The following PAFAH1B2 variants were observed in gnomAD, a reference collection of about 807,000 sequenced individuals.
The protein encoded by PAFAH1B2 is platelet activating factor acetylhydrolase 1b catalytic subunit 2, also known as platelet-activating factor acetylhydrolase IB subunit alpha2.
In PAFAH1B2, 8 loss-of-function variants were observed where a neutral mutation model predicts 28.0. The ratio of observed to expected loss-of-function variants is 0.29; its 90% CI spans 0.17 to 0.52. The LOEUF is 0.52. PAFAH1B2 is among the 20% of genes least tolerant of loss of function. The probability of loss-of-function intolerance (pLI) is 0.97; values close to 1 mark genes in which losing one functional copy is unlikely to be tolerated. For missense variants in PAFAH1B2, 190 were observed against 282.6 expected (o/e 0.67, Z 2.35); for synonymous variants, 104 against 103.2 (o/e 1.01, Z -0.05).
intron 1 of PAFAH1B2, among the ~76,000 whole-genome samples, chr11:117,144,672 T>TC (rs1421923919): frequency 1.3e-5 from 2 of 152,110 alleles, no homozygotes; most frequent in African/African-American, 4.8e-5. Context: ...TACCGAAAGC[T>TC]GGCGTTTCTC....
chr11:117,170,212 C>G lies in PAFAH1B2; in HGVS notation c.*2513C>G, dbSNP rs1379907064. On this transcript the variant is annotated 3_prime_UTR_variant, in exon 6 of 6. Transcript: ENST00000527958. ...TTAGTCTTTGTACTTTTTAAAAAAT[C>G]TATAAATTTAATGCACTGTCCAAGT... 3.8e-6 allele frequency: 4 copies of G among 1,058,314 alleles called. No individual in the cohort carries two copies. The highest frequency in any genetic ancestry group is 4.2e-4 in the Middle Eastern group (1 of 2,396). The allele number at this position is 1,058,314 out of a possible 1,614,324, so 65.6% of individuals were successfully genotyped here.
At chr11:117,172,382 ATATATATATATATATATATATATTTTTTT>A (rs1956681561), downstream of PAFAH1B2, among the ~76,000 whole-genome samples, 6 of 2,776 alleles carry the variant, frequency 2.2e-3, no homozygotes, top group South Asian at 0.045. Context: ...ATATATATAT[ATATATATATATATATATATATATTTTTTT>A]TTTTTTTTTT....
intron 1 of PAFAH1B2, among the ~76,000 whole-genome samples, chr11:117,146,739 T>G (rs12419436): frequency 0.054 from 8,094 of 150,972 alleles, 253 homozygotes; most frequent in Middle Eastern, 0.1. Context: ...TGTGACTCAT[T>G]CCTGTAATTC....
At position 117,161,182 on chromosome 11, in the gene PAFAH1B2, AT is replaced by A; in HGVS notation, c.213del (p.Phe71LeufsTer15). 2 of 1,596,672 alleles carry A rather than the reference AT, an allele frequency of 1.3e-6. No individual in the cohort carries two copies. Among genetic ancestry groups the A allele is most frequent in the Non-Finnish European group, 1.7e-6 (2 of 1,176,252 alleles). ...CTTTTTTCCCCACTTCATGCACTGA[AT>A]TTTGGAATTGGGGGAGATACAACAA... ...RELFSPLHAL[N>X]FGIGGDTTRH... is the part of the protein sequence containing the mutation. On this transcript the variant is annotated frameshift_variant, in exon 4 of 6. Transcript: ENST00000527958. LOFTEE classifies it high-confidence loss of function.
chr11:117,174,028 C>T (rs1445259100), downstream of PAFAH1B2, among the ~76,000 whole-genome samples: 1 of 151,770 alleles, frequency 6.6e-6, no homozygotes, highest in Non-Finnish European at 1.5e-5. Context: ...ATACTAAAAT[C>T]TGTTTTGATT....
At chr11:117,159,017 C>T (rs995110739) in intron 2 of PAFAH1B2, among the ~76,000 whole-genome samples, 1 of 152,192 alleles carries the variant, frequency 6.6e-6, no homozygotes, top group East Asian at 1.9e-4. Context: ...TGTTTGCATT[C>T]TACTTCACAA....
Position 117,149,174 on chromosome 11 carries a change from C to T in PAFAH1B2, c.-7-3267C>T, listed in dbSNP as rs944184633. On this transcript the variant is annotated intron_variant, in intron 1 of 5. Coordinates refer to ENST00000527958, the MANE Select transcript of PAFAH1B2 (RefSeq NM_002572.4). ...TTAGGATTACAGGCGTGAGCCACTG[C>T]GCCCAGCCCAAGCAATCCTCCTGAC... Among the ~76,000 whole-genome samples the T allele has an allele frequency of 2.2e-4, 34 of 151,538 alleles. 1 individual carries two copies. The highest frequency in any genetic ancestry group is 1.8e-3 in the Admixed American group (27 of 15,188).
In PAFAH1B2 at chr11:117,169,873, T is replaced by G. The variant is rs1956609175; in HGVS notation, c.*2174T>G. The G allele has an allele frequency of 9.5e-7, 1 of 1,054,760 alleles. No individual in the cohort carries two copies. The allele number at this position is 1,054,760 out of a possible 1,614,324, so 65.3% of individuals were successfully genotyped here. A position where few individuals can be genotyped will look rare whatever the true frequency, so the allele number is the denominator to read the frequency against. On this transcript the variant is annotated 3_prime_UTR_variant, in exon 6 of 6. Coordinates refer to ENST00000527958, the MANE Select transcript of PAFAH1B2 (RefSeq NM_002572.4). The stretch of plus-strand genomic sequence containing the variant: ...GGGAGTATGGTCCAAATAAATCCAT[T>G]AGGTTACTCCTGCAGCATGCGCTTT...
chr11:117,157,911 G>A (rs925114448), intron 2 of PAFAH1B2, among the ~76,000 whole-genome samples: 1 of 152,128 alleles, frequency 6.6e-6, no homozygotes, highest in African/African-American at 2.4e-5. Flanking sequence ...GCTGAGGCGG[G>A]TGGATCACCT....
At chr11:117,156,773 A>T (rs924144004) in intron 2 of PAFAH1B2, among the ~76,000 whole-genome samples, 6 of 152,132 alleles carry the variant, frequency 3.9e-5, no homozygotes, top group African/African-American at 1.4e-4. Context: ...GTGATCTCTC[A>T]GCACCTTGGG....
chr11:117,144,600 G>C (rs1955949266), intron 1 of PAFAH1B2, among the ~76,000 whole-genome samples, 182 bp downstream of exon 1: 1 of 151,766 alleles, frequency 6.6e-6, no homozygotes, highest in Non-Finnish European at 1.5e-5. Flanking sequence ...CGGGCCCAGC[G>C]TCGGCTTCCC....
At chr11:117,146,983 A>G (rs1255365141) in intron 1 of PAFAH1B2, among the ~76,000 whole-genome samples, 1 of 151,830 alleles carries the variant, frequency 6.6e-6, no homozygotes, top group Admixed American at 6.6e-5. Flanking sequence ...ACAAAAAAAA[A>G]GCCGGCCGGG....
At chr11:117,166,407 G>A (rs992821014) in intron 5 of PAFAH1B2, among the ~76,000 whole-genome samples, 1 of 152,172 alleles carries the variant, frequency 6.6e-6, no homozygotes, top group Non-Finnish European at 1.5e-5. Context: ...ATATACAAAA[G>A]TGTTAATTAT....
chr11:117,152,407 A>G, intron 1 of PAFAH1B2, 34 bp from the exon 2 acceptor site: 1 of 1,303,268 alleles, frequency 7.7e-7, no homozygotes, highest in South Asian at 1.2e-5. Flanking sequence ...CTTCCTGTTA[A>G]CAAATGAAAC....
chr11:117,145,790 A>T (rs1955989741), intron 1 of PAFAH1B2, among the ~76,000 whole-genome samples: 1 of 152,174 alleles, frequency 6.6e-6, no homozygotes, highest in Non-Finnish European at 1.5e-5. Context: ...TTCTTGGTTC[A>T]ACTTTCTTCA....
At chr11:117,150,860 C>T (rs1254104867) in intron 1 of PAFAH1B2, among the ~76,000 whole-genome samples, 2 of 151,902 alleles carry the variant, frequency 1.3e-5, no homozygotes, top group Middle Eastern at 3.4e-3. Context: ...TGGTGGCGGG[C>T]GCTTGTAGTC....
chr11:117,152,675 C>T, intron 2 of PAFAH1B2, 147 bp downstream of exon 2: 2 of 640,462 alleles, frequency 3.1e-6, no homozygotes, highest in South Asian at 3.7e-5. Context: ...ACTTCAGCCT[C>T]CCATATAGCT....
chr11:117,152,477 T>C lies in PAFAH1B2; in HGVS notation c.30T>C (p.Ala10=). ...GCCAAGGAGACTCAAACCCAGCAGC[T>C]ATTCCGCATGCAGCAGAAGATATTC... MSQGDSNPA[A]IPHAAEDIQG... The change falls in exon 2 of 6, where the codon GCT becomes GCC. Residue 10 remains alanine, a synonymous_variant. Coordinates refer to ENST00000527958, the MANE Select transcript of PAFAH1B2 (RefSeq NM_002572.4). 4 of 1,613,948 alleles carry C rather than the reference T, an allele frequency of 2.5e-6. No homozygotes were observed. Among genetic ancestry groups the C allele is most frequent in the Non-Finnish European group, 3.4e-6 (4 of 1,179,792 alleles).
At chr11:117,163,166 C>T (rs1001254694) in intron 4 of PAFAH1B2, among the ~76,000 whole-genome samples, 2 of 134,416 alleles carry the variant, frequency 1.5e-5, no homozygotes, top group Non-Finnish European at 3.3e-5. Context: ...AGGCATAAAT[C>T]GATGCATTAA....
Sources: gnomAD v4.1 joint callset for allele counts (sites outside exome capture counted in the v4.1 genomes callset) on GRCh38, gnomAD v4.1.1 for gene constraint, MANE v1.5 for transcripts, NCBI Gene and HGNC (gene_info 2026-07-23, HGNC 2026-07-21) for gene names.